The following KLF12 variants were observed in gnomAD, a reference collection of about 807,000 sequenced individuals.
KLF12 encodes the protein KLF transcription factor 12.
In KLF12, 9 loss-of-function variants were observed where a neutral mutation model predicts 37.8. The ratio of observed to expected loss-of-function variants is 0.24; its 90% CI spans 0.14 to 0.42. The LOEUF (loss-of-function observed/expected upper bound fraction) is 0.42. Among genes scored for constraint, KLF12 ranks in the 10% least tolerant of loss-of-function variants. The pLI is 1.00. For synonymous variants in KLF12, 208 were observed against 202.1 expected (o/e 1.03, Z -0.25); for missense variants, 411 against 516.0 (o/e 0.80, Z 1.97).
intron 1 of KLF12, among the ~76,000 whole-genome samples, chr13:74,080,689 C>T (rs550556144): frequency 6.6e-6 from 1 of 152,266 alleles, no homozygotes; most frequent in South Asian, 2.1e-4. Flanking sequence ...TCTATCAATT[C>T]CATTAGTTTC....
At chr13:74,202,822 G>T in the KLF12 span, among the ~76,000 whole-genome samples, 4 of 152,252 alleles carry the variant, frequency 2.6e-5, no homozygotes, top group East Asian at 5.8e-4. Context: ...TCAGGCATTT[G>T]CTCTGAACCA....
intron 4 of KLF12, among the ~76,000 whole-genome samples, chr13:73,822,825 A>G (rs1883602096): frequency 6.6e-6 from 1 of 152,196 alleles, no homozygotes; most frequent in Non-Finnish European, 1.5e-5. Flanking sequence ...CACTAACTCT[A>G]GAGCTGGCCA....
At chr13:73,865,474 G>T (rs918820069) in intron 3 of KLF12, among the ~76,000 whole-genome samples, 1 of 152,072 alleles carries the variant, frequency 6.6e-6, no homozygotes, top group African/African-American at 2.4e-5. Flanking sequence ...AAAACAATCA[G>T]AACTTTAAGG....
intron 1 of KLF12, among the ~76,000 whole-genome samples, chr13:74,114,481 C>A (rs1877168471): frequency 6.6e-6 from 1 of 152,044 alleles, no homozygotes. Context: ...TAGAACCAAA[C>A]CTACAGTATC....
chr13:74,233,904 A>G, the KLF12 span, among the ~76,000 whole-genome samples: 1 of 152,224 alleles, frequency 6.6e-6, no homozygotes, highest in Non-Finnish European at 1.5e-5. Flanking sequence ...TTTGAAATAA[A>G]AAACACAATG....
At chr13:74,139,789 G>C in the KLF12 span, among the ~76,000 whole-genome samples, 4 of 151,970 alleles carry the variant, frequency 2.6e-5, no homozygotes, top group African/African-American at 9.6e-5. Context: ...ATAAACATTA[G>C]AGCTGTAAAG....
At chr13:74,018,808 T>C (rs1477926621) in intron 1 of KLF12, among the ~76,000 whole-genome samples, 5 of 152,262 alleles carry the variant, frequency 3.3e-5, no homozygotes, top group African/African-American at 1.2e-4. Context: ...TTCGCAAATG[T>C]AGTTTTTACT....
At chr13:74,061,433 C>G (rs961110500) in intron 1 of KLF12, among the ~76,000 whole-genome samples, 2 of 152,124 alleles carry the variant, frequency 1.3e-5, no homozygotes, top group African/African-American at 4.8e-5. Flanking sequence ...TATAAGCATA[C>G]TACAGTTTTT....
At position 74,133,044 on chromosome 13, in the gene KLF12, G is replaced by A. The variant is rs574957784; in HGVS notation, c.-32+695C>T. On this transcript the variant is annotated intron_variant, in intron 1 of 7. Transcript: ENST00000377669. ...ACAAAGTTGCCCCTTGTCAACTCCG[G>A]CCAGGTCCCCCGTAATTGAAAATAA... is the stretch of plus-strand genomic sequence containing the variant. 6.0e-4 allele frequency among the ~76,000 whole-genome samples: 91 copies of A among 152,242 alleles called. 1 individual carries two copies. The South Asian group carries it at 0.017, about 28-fold the overall frequency.
intron 2 of KLF12, among the ~76,000 whole-genome samples, chr13:73,977,051 CTT>C (rs113481989): frequency 4.2e-4 from 59 of 139,560 alleles, no homozygotes; most frequent in African/African-American, 4.2e-4. Context: ...AGACAACATA[CTT>C]TTTTTTTTTT....
At chr13:74,088,265 C>T (rs1230063712) in intron 1 of KLF12, among the ~76,000 whole-genome samples, 9 of 151,782 alleles carry the variant, frequency 5.9e-5, no homozygotes. Context: ...AAAAGTGTGG[C>T]TATAGCTTTT....
At chr13:74,256,929 G>A in the KLF12 span, 5 of 151,686 alleles carry the variant, frequency 3.3e-5, no homozygotes, top group Non-Finnish European at 7.4e-5. Context: ...TTTTGTTGTT[G>A]CAGTTGTTAT....
chr13:73,695,305 G>A lies in KLF12; in HGVS notation c.*185C>T, dbSNP rs183954085. The A allele has an allele frequency of 5.0e-4, 292 of 587,438 alleles. No individual in the cohort carries two copies. The highest frequency in any genetic ancestry group is 7.1e-4 in the Non-Finnish European group (238 of 335,708). 36.4% of individuals were successfully genotyped at this position (587,438 alleles called of 1,614,324 possible). ...CCAGGCCCGGGTAAAGACGGTTCTCGTCTAGTCATGATGGGGGTTACCTTC... is the reference window on the plus strand; with the variant it reads ...CCAGGCCCGGGTAAAGACGGTTCTCATCTAGTCATGATGGGGGTTACCTTC... On this transcript the variant is annotated 3_prime_UTR_variant, in exon 8 of 8. Coordinates refer to ENST00000377669, the MANE Select transcript of KLF12 (RefSeq NM_007249.5).
intron 2 of KLF12, among the ~76,000 whole-genome samples, chr13:73,966,386 G>GA (rs886844927): frequency 6.6e-6 from 1 of 151,064 alleles, no homozygotes; most frequent in Non-Finnish European, 1.5e-5. Context: ...AGAACTAAAA[G>GA]AAAAAAAAGT....
At chr13:74,051,341 A>AACACACACACACACACACACAC (rs10678885) in intron 1 of KLF12, among the ~76,000 whole-genome samples, 1 of 143,690 alleles carries the variant, frequency 7.0e-6, no homozygotes, top group Non-Finnish European at 1.5e-5. Context: ...TACACACACA[A>AACACACACACACACACACACAC]ACACACACAC....
chr13:74,246,377 G>C, the KLF12 span, among the ~76,000 whole-genome samples: 1 of 152,190 alleles, frequency 6.6e-6, no homozygotes, highest in Non-Finnish European at 1.5e-5. Context: ...TTTTAGGAAG[G>C]AGAAGCTAAA....
intron 7 of KLF12, among the ~76,000 whole-genome samples, 167 bp from the exon 8 acceptor site, chr13:73,695,838 TG>T (rs1223311030): frequency 1.3e-5 from 2 of 152,210 alleles, no homozygotes; most frequent in African/African-American, 4.8e-5. Context: ...AGACAGGTGA[TG>T]GTTTCAATCT....
At chr13:74,124,203 T>A (rs1042050769) in intron 1 of KLF12, among the ~76,000 whole-genome samples, 11 of 152,234 alleles carry the variant, frequency 7.2e-5, no homozygotes, top group African/African-American at 2.7e-4. Context: ...CAATGAAATA[T>A]TTTGTGTTTG....
chr13:74,274,274 A>G, the KLF12 span, among the ~76,000 whole-genome samples: 1 of 152,148 alleles, frequency 6.6e-6, no homozygotes, highest in African/African-American at 2.4e-5. Flanking sequence ...GGCACTTAAA[A>G]AAAAGACCTA....
Sources: allele counts gnomAD v4.1 joint callset (sites outside exome capture counted in the v4.1 genomes callset), GRCh38; gene constraint gnomAD v4.1.1; transcripts MANE v1.5; gene names NCBI Gene and HGNC (gene_info 2026-07-23, HGNC 2026-07-21).